Variants in CEMIP observed in about 807,000 individuals in gnomAD.
The protein encoded by CEMIP is cell migration-inducing and hyaluronan-binding protein.
A neutral mutation model predicts 156.9 loss-of-function variants in CEMIP; 105 were observed. That is an observed-to-expected ratio of 0.67 (90% confidence interval 0.57 to 0.79). The LOEUF (loss-of-function observed/expected upper bound fraction) is 0.79, where lower values mean the gene tolerates loss of function less well. Among genes scored for constraint, CEMIP ranks in the 30% least tolerant of loss-of-function variants. The pLI, the probability that CEMIP is intolerant of heterozygous loss-of-function variation, is 0.00. For missense variants in CEMIP, 1,457 were observed against 1,769.4 expected (o/e 0.82, Z 3.17); for synonymous variants, 676 against 668.4 (o/e 1.01, Z -0.17).
At position 80,858,485 on chromosome 15, in the gene CEMIP, G is replaced by A. The variant is rs565356601; in HGVS notation, c.-175-15053G>A. Among the ~76,000 whole-genome samples the A allele has an allele frequency of 2.0e-5, 3 of 151,988 alleles. No homozygotes were observed. In the South Asian group the frequency reaches 6.3e-4, roughly 32 times the overall value. Reference sequence around the variant, plus strand: ...TCCCAGCACTTTGGGAGGCCAAGGCGGATGGATCACCTGAGGTCAGGAGTT... The same window carrying A: ...TCCCAGCACTTTGGGAGGCCAAGGCAGATGGATCACCTGAGGTCAGGAGTT... On this transcript the variant is annotated intron_variant, in intron 1 of 29. Coordinates refer to ENST00000394685, the MANE Select transcript of CEMIP (RefSeq NM_001293298.2).
intron 6 of CEMIP, among the ~76,000 whole-genome samples, chr15:80,881,892 A>T (rs1217502939): frequency 6.6e-6 from 1 of 152,196 alleles, no homozygotes; most frequent in Non-Finnish European, 1.5e-5. Flanking sequence ...AACGGCGGCT[A>T]GTGGATGTAC....
In CEMIP at chr15:80,820,098, C is replaced by G. The variant is rs113951733; in HGVS notation, c.-176+40484C>G. The stretch of plus-strand genomic sequence containing the variant: ...GTCACAGCTCCTGCTCTGGACTGTT[C>G]CAGAATTCCGTGGGGCTGTGCAAAA... On this transcript the variant is annotated intron_variant, in intron 1 of 29. Transcript: ENST00000394685. Among the ~76,000 whole-genome samples, 1,202 of 152,302 alleles carry G rather than the reference C, an allele frequency of 7.9e-3. 20 individuals carry two copies. Among genetic ancestry groups the G allele is most frequent in the African/African-American group, 0.027 (1,114 of 41,550 alleles).
chr15:80,924,578 CA>C, intron 17 of CEMIP, 42 bp from the exon 18 acceptor site: 1 of 1,561,738 alleles, frequency 6.4e-7, no homozygotes, highest in Non-Finnish European at 8.8e-7. Context: ...GCCTGTAGCC[CA>C]CAGTAGAAAC....
At chr15:80,857,242 G>T (rs899467549) in intron 1 of CEMIP, among the ~76,000 whole-genome samples, 7 of 152,230 alleles carry the variant, frequency 4.6e-5, no homozygotes, top group African/African-American at 1.4e-4. Context: ...TGCACTCTCT[G>T]AACTGCTGCC....
chr15:80,866,183 C>T (rs754301540), intron 1 of CEMIP, among the ~76,000 whole-genome samples: 1 of 152,144 alleles, frequency 6.6e-6, no homozygotes, highest in African/African-American at 2.4e-5. Flanking sequence ...AGGGCGAGTC[C>T]GTGAGGGTGA....
rs537400923 is a variant in CEMIP, at chr15:80,875,791, CTT to C, written c.94+1820_94+1821del. Among the ~76,000 whole-genome samples, 11 of 152,336 alleles carry C rather than the reference CTT, an allele frequency of 7.2e-5. No individual in the cohort carries two copies. The South Asian group carries it at 2.3e-3, about 32-fold the overall frequency. Reference sequence around the variant, plus strand: ...CGAAAGCCCTGGCCCTCTTCAGACACTTTCTGATTCATACAAATGAAAAGCCA... The same window carrying C: ...CGAAAGCCCTGGCCCTCTTCAGACACTCTGATTCATACAAATGAAAAGCCA... On this transcript the variant is annotated intron_variant, in intron 3 of 29. Transcript: ENST00000394685.
In CEMIP at chr15:80,819,309, T is replaced by C. The variant is rs546649351; in HGVS notation, c.-176+39695T>C. On this transcript the variant is annotated intron_variant, in intron 1 of 29. Coordinates refer to ENST00000394685, the MANE Select transcript of CEMIP (RefSeq NM_001293298.2). ...ATGGAGAGGCACAGGATTTGAAATCTGCAGTCTCATGAGACAGGAAGTTGA... is the reference window on the plus strand; with the variant it reads ...ATGGAGAGGCACAGGATTTGAAATCCGCAGTCTCATGAGACAGGAAGTTGA... Among the ~76,000 whole-genome samples, 12 of 152,334 alleles carry C rather than the reference T, an allele frequency of 7.9e-5. No homozygotes were observed. The South Asian group carries it at 2.5e-3, about 32-fold the overall frequency.
chr15:80,930,141 A>G (rs188751263), intron 21 of CEMIP, among the ~76,000 whole-genome samples: 2 of 152,368 alleles, frequency 1.3e-5, no homozygotes, highest in Non-Finnish European at 2.9e-5. Flanking sequence ...TTCTACTACT[A>G]GAGTCAGGAC....
intron 28 of CEMIP, 33 bp downstream of exon 28, chr15:80,943,135 G>A (rs1474482049): frequency 1.2e-6 from 2 of 1,613,186 alleles, no homozygotes; most frequent in Non-Finnish European, 1.7e-6. Flanking sequence ...GGAATTGGCT[G>A]CTGGCACAGC....
At chr15:80,792,957 C>T (rs562988447) in intron 1 of CEMIP, among the ~76,000 whole-genome samples, 4 of 152,342 alleles carry the variant, frequency 2.6e-5, no homozygotes, top group East Asian at 1.9e-4. Flanking sequence ...CTACTACTTA[C>T]AGTCACTTTA....
chr15:80,865,106 G>GTAGC (rs2141779152), intron 1 of CEMIP, among the ~76,000 whole-genome samples: 1 of 152,328 alleles, frequency 6.6e-6, no homozygotes, highest in South Asian at 2.1e-4. Context: ...GTCCAATGTA[G>GTAGC]TAGCCCCTAA....
chr15:80,925,738 G>A lies in CEMIP; in HGVS notation c.2403G>A (p.Val801=). Residue 801 remains valine (V), a synonymous_variant, in exon 19 of 30, where the codon GTG becomes GTA. Coordinates refer to ENST00000394685, the MANE Select transcript of CEMIP (RefSeq NM_001293298.2). ...GGGCCTGGCTGCGCGGCGGGGATGT[G>A]TGGCTGGACAGCTGCCGGTGAGTCA... ...DHGAWLRGGD[V]WLDSCRFADN... is the part of the protein sequence containing the mutation. 6.2e-7 allele frequency: 1 copy of A among 1,612,872 alleles called. No individual in the cohort carries two copies. The highest frequency in any genetic ancestry group is 8.5e-7 in the Non-Finnish European group (1 of 1,179,906).
chr15:80,846,807 C>T (rs1434044724), intron 1 of CEMIP, among the ~76,000 whole-genome samples: 5 of 152,214 alleles, frequency 3.3e-5, no homozygotes, highest in Admixed American at 2.6e-4. Context: ...CCTGGCTCAG[C>T]AACTCAGCTG....
chr15:80,897,038 G>T (rs1189283963), intron 12 of CEMIP, among the ~76,000 whole-genome samples: 1 of 152,158 alleles, frequency 6.6e-6, no homozygotes, highest in Non-Finnish European at 1.5e-5. Flanking sequence ...AGGAAAGGCA[G>T]GAACAGTCAT....
intron 11 of CEMIP, among the ~76,000 whole-genome samples, chr15:80,895,513 G>A (rs188359578): frequency 4.3e-4 from 66 of 152,274 alleles, no homozygotes; most frequent in Non-Finnish European, 9.0e-4. Context: ...GCAGTCATTA[G>A]GAATGAAAGT....
chr15:80,922,486 G>A (rs969072748), intron 17 of CEMIP, among the ~76,000 whole-genome samples: 1 of 152,240 alleles, frequency 6.6e-6, no homozygotes, highest in African/African-American at 2.4e-5. Flanking sequence ...GGGGCTGGGT[G>A]TAGCCTCAAC....
intron 12 of CEMIP, chr15:80,897,295 T>C (rs1036709762): frequency 2.2e-6 from 1 of 455,858 alleles, no homozygotes. Context: ...AACATAAAAT[T>C]CAACACAATC....
intron 10 of CEMIP, among the ~76,000 whole-genome samples, chr15:80,894,531 A>T (rs1348292591): frequency 6.6e-6 from 1 of 152,128 alleles, no homozygotes; most frequent in Non-Finnish European, 1.5e-5. Context: ...ACACAATCAA[A>T]TCTGAGGCTC....
chr15:80,794,341 C>A (rs1896160874), intron 1 of CEMIP, among the ~76,000 whole-genome samples: 1 of 152,110 alleles, frequency 6.6e-6, no homozygotes, highest in South Asian at 2.1e-4. Context: ...CCTCATTTAG[C>A]AGTTTACTGA....
Sources: allele counts gnomAD v4.1 joint callset (sites outside exome capture counted in the v4.1 genomes callset), GRCh38; gene constraint gnomAD v4.1.1; transcripts MANE v1.5; gene names NCBI Gene and HGNC (gene_info 2026-07-23, HGNC 2026-07-21).